Variants in ALDH1L2 observed in about 807,000 individuals in gnomAD.
ALDH1L2 encodes the protein aldehyde dehydrogenase 1 family member L2.
A neutral mutation model predicts 111.0 loss-of-function variants in ALDH1L2; 91 were observed. The observed-to-expected ratio is 0.82, with a 90% CI of 0.69 to 0.98. The LOEUF (loss-of-function observed/expected upper bound fraction) is 0.98. ALDH1L2 is among the 50% of genes least tolerant of loss of function. ALDH1L2 has a pLI of 0.00. For missense variants in ALDH1L2, 995 were observed against 1,126.8 expected (o/e 0.88, Z 1.67); for synonymous variants, 374 against 392.6 (o/e 0.95, Z 0.56).
At chr12:105,063,135 A>G (rs1877105520) in intron 6 of ALDH1L2, 113 bp from the exon 7 acceptor site, 6 of 1,224,914 alleles carry the variant, frequency 4.9e-6, no homozygotes, top group South Asian at 3.7e-5. Context: ...CATCTGTAAT[A>G]AAATTGAGAC....
At chr12:105,029,361 G>C (rs1592762387) in intron 21 of ALDH1L2, among the ~76,000 whole-genome samples, 1 of 152,262 alleles carries the variant, frequency 6.6e-6, no homozygotes, top group Non-Finnish European at 1.5e-5. Context: ...TTAGTGAGGG[G>C]AGAGGAGGCA....
chr12:105,036,514 T>TTATATA (rs1182802302), intron 18 of ALDH1L2, among the ~76,000 whole-genome samples: 10 of 23,652 alleles, frequency 4.2e-4, no homozygotes, highest in Non-Finnish European at 7.2e-4. Flanking sequence ...TATATATATT[T>TTATATA]TATATATATA....
At chr12:105,050,161 T>C in intron 12 of ALDH1L2, 103 bp from the exon 13 acceptor site, 1 of 1,178,920 alleles carries the variant, frequency 8.5e-7, no homozygotes, top group African/African-American at 1.6e-5. Flanking sequence ...TAAACACATA[T>C]GGATCAGATC....
At chr12:105,041,115 T>C (rs915261291) in intron 15 of ALDH1L2, among the ~76,000 whole-genome samples, 1 of 152,226 alleles carries the variant, frequency 6.6e-6, no homozygotes, top group African/African-American at 2.4e-5. Flanking sequence ...AGATTAACAA[T>C]TGATAGAATA....
At chr12:105,074,160 T>G in intron 1 of ALDH1L2, 155 bp from the exon 2 acceptor site, 1 of 944,708 alleles carries the variant, frequency 1.1e-6, no homozygotes, top group South Asian at 1.8e-5. Flanking sequence ...TATATGCATG[T>G]AAGAAACCTA....
rs1291925843 is a variant in ALDH1L2 at position 105,038,282 on chromosome 12, A to T, written c.2046-80T>A. On this transcript the variant is annotated intron_variant, in intron 17 of 22. Coordinates refer to ENST00000258494, the MANE Select transcript of ALDH1L2 (RefSeq NM_001034173.4). Reference sequence around the variant, plus strand: ...CTCTCACACACACACACACACAAACACACACACACACACACACACACACAC... The same window carrying T: ...CTCTCACACACACACACACACAAACTCACACACACACACACACACACACAC... The T allele has an allele frequency of 4.6e-4, 18 of 38,954 alleles. 1 individual carries two copies. The South Asian group carries it at 5.5e-3, about 12-fold the overall frequency. 2.4% of individuals were successfully genotyped at this position (38,954 alleles called of 1,614,324 possible).
At chr12:105,061,898 GTAAAA>G in intron 7 of ALDH1L2, 146 bp from the exon 8 acceptor site, 1 of 972,900 alleles carries the variant, frequency 1.0e-6, no homozygotes, top group South Asian at 1.8e-5. Flanking sequence ...ACCATTATGT[GTAAAA>G]GGGCTGAAAT....
chr12:105,021,460 T>G lies in ALDH1L2; in HGVS notation c.*2964A>C, dbSNP rs2136039332. 1 of 152,292 alleles carries G rather than the reference T, an allele frequency of 6.6e-6. No homozygotes were observed. Among genetic ancestry groups the G allele is most frequent in the Middle Eastern group, 3.4e-3 (1 of 294 alleles). 9.4% of individuals were successfully genotyped at this position (152,292 alleles called of 1,614,324 possible). Reference sequence around the variant, plus strand: ...TTAGCCAGGTGTAGTGGCACACACCTGTAATCCCAGCTACTTGGAAGGCTA... The same window carrying G: ...TTAGCCAGGTGTAGTGGCACACACCGGTAATCCCAGCTACTTGGAAGGCTA... On this transcript the variant is annotated 3_prime_UTR_variant, in exon 23 of 23. Transcript: ENST00000258494.
intron 18 of ALDH1L2, among the ~76,000 whole-genome samples, chr12:105,036,835 C>T (rs1875183610): frequency 6.6e-6 from 1 of 151,956 alleles, no homozygotes; most frequent in Non-Finnish European, 1.5e-5. Flanking sequence ...GTTATATATT[C>T]CTAACCCAGA....
intron 10 of ALDH1L2, among the ~76,000 whole-genome samples, chr12:105,057,232 G>A (rs2136083903): frequency 6.6e-6 from 1 of 152,090 alleles, no homozygotes; most frequent in South Asian, 2.1e-4. Flanking sequence ...CACCCACTAG[G>A]ACAACTAAAA....
intron 1 of ALDH1L2, among the ~76,000 whole-genome samples, chr12:105,083,005 C>T (rs1402310273): frequency 3.3e-5 from 5 of 152,214 alleles, no homozygotes; most frequent in Non-Finnish European, 7.3e-5. Context: ...TACAGTTAGA[C>T]CCTGATCACG....
At chr12:105,034,213 A>T in intron 19 of ALDH1L2, 87 bp downstream of exon 19, 1 of 1,330,832 alleles carries the variant, frequency 7.5e-7, no homozygotes, top group Non-Finnish European at 1.1e-6. Context: ...ATCACACCTG[A>T]AAATTCATGA....
chr12:105,076,081 T>G (rs537395036), intron 1 of ALDH1L2, among the ~76,000 whole-genome samples: 2 of 152,372 alleles, frequency 1.3e-5, no homozygotes, highest in South Asian at 4.1e-4. Context: ...TACTTCAGTC[T>G]TATTTCTCCA....
intron 21 of ALDH1L2, among the ~76,000 whole-genome samples, chr12:105,027,343 C>A (rs940698754): frequency 1.3e-5 from 2 of 152,228 alleles, no homozygotes; most frequent in Admixed American, 6.5e-5. Context: ...TCTCCCACTC[C>A]CTCCCCTCTC....
intron 18 of ALDH1L2, among the ~76,000 whole-genome samples, chr12:105,035,914 A>T (rs1447561270): frequency 1.8e-5 from 2 of 109,092 alleles, no homozygotes; most frequent in African/African-American, 4.7e-5. Flanking sequence ...TATATATATT[A>T]TATATATACA....
rs542582815 is a variant in ALDH1L2, at chr12:105,027,643, A to C, written c.2517-899T>G. Among the ~76,000 whole-genome samples the C allele has an allele frequency of 2.6e-5, 4 of 152,312 alleles. No individual in the cohort carries two copies. In the South Asian group the frequency reaches 8.3e-4, roughly 32 times the overall value. On this transcript the variant is annotated intron_variant, in intron 21 of 22. Transcript: ENST00000258494. ...GTCTAGTTGTCATGAGGATGAAATG[A>C]ACAAATCATGCCTGGAACACAATAA...
rs372894990 is a variant in ALDH1L2 at position 105,026,593 on chromosome 12, C to T, written c.2668G>A (p.Ala890Thr). ...FINTYNKTDVAAPFGGVKQSG... is the reference protein window; with the variant it reads ...FINTYNKTDVTAPFGGVKQSG... ...TGTTTAACTCCGCCAAATGGGGCCG[C>T]CACATCTGTCTTGTTGTATGTGTTA... Residue 890 changes from alanine to threonine, a missense_variant, in exon 22 of 23, where the codon GCG (alanine) becomes ACG (threonine). Ala to Thr is a moderately conservative substitution (Grantham distance 58). Transcript: ENST00000258494. The T allele has an allele frequency of 3.6e-5, 58 of 1,614,042 alleles. No individual in the cohort carries two copies. The highest frequency in any genetic ancestry group is 6.7e-5 in the East Asian group (3 of 44,894).
At chr12:105,084,220 GTC>G (rs772217730) in intron 1 of ALDH1L2, among the ~76,000 whole-genome samples, 167 bp downstream of exon 1, 2 of 152,140 alleles carry the variant, frequency 1.3e-5, no homozygotes, top group Non-Finnish European at 2.9e-5. Context: ...CTCCTCTGAG[GTC>G]TCTCTGTTTT....
chr12:105,027,007 CT>C (rs1337082881), intron 21 of ALDH1L2, among the ~76,000 whole-genome samples: 2 of 152,166 alleles, frequency 1.3e-5, no homozygotes, highest in Non-Finnish European at 2.9e-5. Context: ...GTAGCGGGGA[CT>C]ACAGGCATGT....
Sources: gnomAD v4.1 joint callset for allele counts (sites outside exome capture counted in the v4.1 genomes callset) on GRCh38, gnomAD v4.1.1 for gene constraint, MANE v1.5 for transcripts, NCBI Gene and HGNC (gene_info 2026-07-23, HGNC 2026-07-21) for gene names.